Variants in GLG1 observed in about 807,000 individuals in gnomAD.
GLG1 encodes Golgi apparatus protein 1.
A neutral mutation model predicts 160.5 loss-of-function variants in GLG1; 38 were observed. The ratio of observed to expected loss-of-function variants is 0.24; its 90% CI spans 0.18 to 0.31. The LOEUF is 0.31. GLG1 is among the 10% of genes least tolerant of loss of function. The pLI is 1.00. For missense variants in GLG1, 1,373 were observed against 1,505.2 expected (o/e 0.91, Z 1.45); for synonymous variants, 644 against 543.4 (o/e 1.19, Z -2.57).
intron 1 of GLG1, among the ~76,000 whole-genome samples, chr16:74,582,807 T>G (rs1350269665): frequency 6.6e-6 from 1 of 151,002 alleles, no homozygotes; most frequent in African/African-American, 2.4e-5. Flanking sequence ...GTGACAAGAG[T>G]GAGACTCCTT....
chr16:74,501,005 C>T (rs7190577), intron 4 of GLG1, among the ~76,000 whole-genome samples: 105,531 of 152,030 alleles, frequency 0.69, 36,828 homozygotes, highest in East Asian at 0.81. Flanking sequence ...CCTCGGTCCT[C>T]TGGAGGAGGC....
At chr16:74,512,867 A>T (rs559215357) in intron 2 of GLG1, among the ~76,000 whole-genome samples, 140 of 152,234 alleles carry the variant, frequency 9.2e-4, no homozygotes, top group Non-Finnish European at 1.2e-3. Context: ...TGGTAAGAGG[A>T]GGGACAGGGA....
chr16:74,543,858 C>T lies in GLG1; in HGVS notation c.439-11705G>A, dbSNP rs571464900. 3.9e-5 allele frequency among the ~76,000 whole-genome samples: 6 copies of T among 152,206 alleles called. No homozygotes were observed. The East Asian group carries it at 9.7e-4, about 25-fold the overall frequency. ...TCCACCTGAGCCAGTGATCACCACA[C>T]GACCTGAACAAATTCTAATTCCCTG... is the stretch of plus-strand genomic sequence containing the variant. On this transcript the variant is annotated intron_variant, in intron 1 of 25. Coordinates refer to ENST00000422840, the MANE Select transcript of GLG1 (RefSeq NM_001145667.2).
intron 2 of GLG1, among the ~76,000 whole-genome samples, chr16:74,529,188 C>T (rs1328463815): frequency 1.3e-5 from 2 of 151,934 alleles, no homozygotes; most frequent in South Asian, 2.1e-4. Context: ...AGGCTGGTCT[C>T]GAACTCCTGA....
At chr16:74,533,546 C>T (rs1179138221) in intron 1 of GLG1, among the ~76,000 whole-genome samples, 3 of 152,064 alleles carry the variant, frequency 2.0e-5, no homozygotes, top group Admixed American at 6.5e-5. Flanking sequence ...TTTGGGAGGC[C>T]GAGGCAGGCA....
intron 22 of GLG1, among the ~76,000 whole-genome samples, chr16:74,461,152 G>A (rs969442460): frequency 2.6e-5 from 4 of 151,880 alleles, no homozygotes; most frequent in African/African-American, 7.3e-5. Flanking sequence ...ACTTCCTTAC[G>A]GCCATTATAG....
At chr16:74,517,689 G>A (rs2017024053) in intron 2 of GLG1, among the ~76,000 whole-genome samples, 1 of 152,192 alleles carries the variant, frequency 6.6e-6, no homozygotes, top group Non-Finnish European at 1.5e-5. Flanking sequence ...AGTATTGGAA[G>A]TTCAGGCCAG....
chr16:74,459,794 T>C lies in GLG1; in HGVS notation c.3037-5A>G. On this transcript the variant is annotated splice_polypyrimidine_tract_variant and splice_region_variant and intron_variant, in intron 22 of 25. Transcript: ENST00000422840. ...TTCAGCACATAGACTGGAGATCTGT[T>C]CAGGAGACACAAAAAACAAAGCTAC... is the stretch of plus-strand genomic sequence containing the variant. The C allele has an allele frequency of 1.3e-6, 2 of 1,511,596 alleles. No homozygotes were observed. The highest frequency in any genetic ancestry group is 1.8e-6 in the Non-Finnish European group (2 of 1,104,104). 93.6% of individuals were successfully genotyped at this position (1,511,596 alleles called of 1,614,324 possible). A position where few individuals can be genotyped will look rare whatever the true frequency, so the allele number is the denominator to read the frequency against.
At chr16:74,521,915 C>A (rs376551588) in intron 2 of GLG1, among the ~76,000 whole-genome samples, 1 of 152,166 alleles carries the variant, frequency 6.6e-6, no homozygotes, top group African/African-American at 2.4e-5. Context: ...TCCTTTGTAA[C>A]AACGCTCTGG....
chr16:74,551,505 C>T (rs139608739), intron 1 of GLG1, among the ~76,000 whole-genome samples: 15 of 145,656 alleles, frequency 1.0e-4, no homozygotes, highest in African/African-American at 3.6e-4. Context: ...TTAGTAGAGA[C>T]GGGCGTCTTG....
At chr16:74,475,990 T>C (rs1019289923) in intron 12 of GLG1, among the ~76,000 whole-genome samples, 3 of 152,086 alleles carry the variant, frequency 2.0e-5, no homozygotes, top group Non-Finnish European at 4.4e-5. Context: ...GAGACCAGCA[T>C]GGGTAACATG....
chr16:74,501,608 T>A (rs1597275223), intron 4 of GLG1, among the ~76,000 whole-genome samples: 1 of 152,166 alleles, frequency 6.6e-6, no homozygotes, highest in South Asian at 2.1e-4. Context: ...AGGCAAGAAC[T>A]ACTCCACAGA....
At chr16:74,519,129 T>TA (rs1313992458) in intron 2 of GLG1, among the ~76,000 whole-genome samples, 2 of 152,302 alleles carry the variant, frequency 1.3e-5, no homozygotes, top group African/African-American at 4.8e-5. Context: ...ATGTGGCACA[T>TA]ATACACTGTG....
intron 2 of GLG1, among the ~76,000 whole-genome samples, chr16:74,530,536 G>T (rs2017499803): frequency 6.6e-6 from 1 of 152,140 alleles, no homozygotes; most frequent in Non-Finnish European, 1.5e-5. Context: ...ATAAAAACAG[G>T]TAGTAGACTG....
intron 1 of GLG1, among the ~76,000 whole-genome samples, chr16:74,554,618 C>T (rs2143711442): frequency 6.6e-6 from 1 of 152,308 alleles, no homozygotes; most frequent in East Asian, 1.9e-4. Flanking sequence ...TTAAATTGAG[C>T]AGATGGGACT....
intron 1 of GLG1, among the ~76,000 whole-genome samples, chr16:74,571,991 G>C (rs2143784261): frequency 6.6e-6 from 1 of 152,308 alleles, no homozygotes; most frequent in South Asian, 2.1e-4. Flanking sequence ...TCTCAGAAGA[G>C]ATAACTGTCT....
intron 6 of GLG1, among the ~76,000 whole-genome samples, chr16:74,493,558 T>C (rs758507077): frequency 6.6e-6 from 1 of 152,226 alleles, no homozygotes; most frequent in Non-Finnish European, 1.5e-5. Flanking sequence ...ATTATTCAAT[T>C]ATTCTATATC....
chr16:74,454,002 G>C (rs1193256667), intron 25 of GLG1, among the ~76,000 whole-genome samples: 2 of 151,288 alleles, frequency 1.3e-5, no homozygotes, highest in Admixed American at 6.6e-5. Context: ...CACATGAGTA[G>C]CTGGGACTAC....
chr16:74,498,269 AAAAATAC>A (rs1371761069), intron 4 of GLG1, among the ~76,000 whole-genome samples: 1 of 149,914 alleles, frequency 6.7e-6, no homozygotes, highest in Non-Finnish European at 1.5e-5. Context: ...TGTCTCTACT[AAAAATAC>A]AAAATATCAG....
Sources: gnomAD v4.1 joint callset for allele counts (sites outside exome capture counted in the v4.1 genomes callset) on GRCh38, gnomAD v4.1.1 for gene constraint, MANE v1.5 for transcripts, NCBI Gene and HGNC (gene_info 2026-07-23, HGNC 2026-07-21) for gene names.